WASHC4: variants seen among roughly 807,000 people sequenced by gnomAD.
WASHC4 encodes WASH complex subunit 7.
Under a neutral mutation model 166.6 loss-of-function variants are expected in WASHC4, and 86 were observed. The ratio of observed to expected loss-of-function variants is 0.52; its 90% confidence interval spans 0.43 to 0.62. WASHC4 has a LOEUF of 0.62. Among genes scored for constraint, WASHC4 ranks in the 20% least tolerant of loss-of-function variants. The probability of loss-of-function intolerance (pLI) is 0.00; values close to 1 mark genes in which losing one functional copy is unlikely to be tolerated. For missense variants in WASHC4, 1,262 were observed against 1,382.4 expected (o/e 0.91, Z 1.38); for synonymous variants, 446 against 451.6 (o/e 0.99, Z 0.16).
At chr12:105,153,142 A>G (rs559729570) in intron 26 of WASHC4, among the ~76,000 whole-genome samples, 1 of 152,340 alleles carries the variant, frequency 6.6e-6, no homozygotes, top group African/African-American at 2.4e-5. Flanking sequence ...TATAAGTCCA[A>G]ATGGGTTTTA....
Position 105,107,733 on chromosome 12 carries a change from T to A in WASHC4, c.-68T>A. On this transcript the variant is annotated 5_prime_UTR_variant, in exon 1 of 33. Transcript: ENST00000332180. ...GGCCGGAAGTCACGTGCTGTGACAG[T>A]AGCTGGGGTGAGGCCGTCGTCGCCG... The A allele has an allele frequency of 5.9e-6, 7 of 1,186,524 alleles. No individual in the cohort carries two copies. Among genetic ancestry groups the A allele is most frequent in the Non-Finnish European group, 8.5e-6 (7 of 823,038 alleles). The allele number at this position is 1,186,524 out of a possible 1,614,324, so 73.5% of individuals were successfully genotyped here. A position where few individuals can be genotyped will look rare whatever the true frequency, so the allele number is the denominator to read the frequency against.
At chr12:105,148,603 T>C in intron 24 of WASHC4, 1 of 985,090 alleles carries the variant, frequency 1.0e-6, no homozygotes, top group South Asian at 4.7e-5. Context: ...GTTAAAGAGA[T>C]TTTTTTAAAA....
intron 10 of WASHC4, among the ~76,000 whole-genome samples, chr12:105,125,301 G>A: frequency 6.6e-6 from 1 of 152,092 alleles, no homozygotes; most frequent in East Asian, 1.9e-4. Context: ...AAAACTTGCA[G>A]ACAAATGGCA....
At chr12:105,164,611 T>G (rs1241318416) in intron 31 of WASHC4, 30 bp from the exon 32 acceptor site, 6 of 1,517,426 alleles carry the variant, frequency 4.0e-6, no homozygotes, top group Non-Finnish European at 5.5e-6. Context: ...GTATTTTTGG[T>G]TTTTATTTCA....
intron 28 of WASHC4, among the ~76,000 whole-genome samples, chr12:105,158,256 TAGAGAAC>T (rs1159720386): frequency 6.6e-6 from 1 of 152,168 alleles, no homozygotes; most frequent in Non-Finnish European, 1.5e-5. Flanking sequence ...GAAAAGTTTT[TAGAGAAC>T]AGAGGATTCA....
intron 6 of WASHC4, 116 bp downstream of exon 6, chr12:105,115,844 A>C: frequency 1.4e-6 from 1 of 734,536 alleles, no homozygotes; most frequent in African/African-American, 1.7e-5. Context: ...TGAGGATAAG[A>C]CACTTAATTA....
chr12:105,156,627 G>T lies in WASHC4; in HGVS notation c.2759-99G>T, dbSNP rs1175778593. On this transcript the variant is annotated intron_variant, in intron 26 of 32. Coordinates refer to ENST00000332180, the MANE Select transcript of WASHC4 (RefSeq NM_015275.3). ...TATAGCAAAATATTTTGGTTCTTAGGAGTGGAAACCTTGTAATTTACTACT... is the reference window on the plus strand; with the variant it reads ...TATAGCAAAATATTTTGGTTCTTAGTAGTGGAAACCTTGTAATTTACTACT... 10 of 967,604 alleles carry T rather than the reference G, an allele frequency of 1.0e-5. No individual in the cohort carries two copies. The Admixed American group carries it at 1.1e-4, about 11-fold the overall frequency. 59.9% of individuals were successfully genotyped at this position (967,604 alleles called of 1,614,324 possible).
rs372604617 is a variant in WASHC4, at chr12:105,164,103, G to A, written c.3158-8G>A. The A allele has an allele frequency of 4.3e-6, 7 of 1,613,808 alleles. No individual in the cohort carries two copies. Among genetic ancestry groups the A allele is most frequent in the South Asian group, 3.3e-5 (3 of 91,078 alleles). On this transcript the variant is annotated splice_region_variant and splice_polypyrimidine_tract_variant and intron_variant, in intron 30 of 32. Coordinates refer to ENST00000332180, the MANE Select transcript of WASHC4 (RefSeq NM_015275.3). ...GTAATTTAACCTTAGTTTTGCTTAT[G>A]CCTGCAGGTGTGGCTTACATTCTAA...
chr12:105,151,662 A>G lies in WASHC4; in HGVS notation c.2650-681A>G, dbSNP rs543234344. ...ACACCCAGCTAATTTTAGTATTTTT[A>G]GTAGAGATGGGGTTTCACCATATTG... On this transcript the variant is annotated intron_variant, in intron 25 of 32. Coordinates refer to ENST00000332180, the MANE Select transcript of WASHC4 (RefSeq NM_015275.3). Among the ~76,000 whole-genome samples the G allele has an allele frequency of 2.0e-5, 3 of 152,126 alleles. No individual in the cohort carries two copies. In the East Asian group the frequency reaches 5.8e-4, roughly 29 times the overall value.
At chr12:105,139,794 G>T (rs1225620472) in intron 15 of WASHC4, among the ~76,000 whole-genome samples, 1 of 151,454 alleles carries the variant, frequency 6.6e-6, no homozygotes, top group Non-Finnish European at 1.5e-5. Context: ...GTGATACATC[G>T]GCTTGCCTTT....
At chr12:105,114,874 C>T (rs1880033135) in intron 4 of WASHC4, among the ~76,000 whole-genome samples, 1 of 151,890 alleles carries the variant, frequency 6.6e-6, no homozygotes, top group African/African-American at 2.4e-5. Flanking sequence ...TTCGTATTTT[C>T]TTCTCCTGCT....
chr12:105,162,639 C>T, intron 29 of WASHC4, 110 bp from the exon 30 acceptor site: 1 of 664,058 alleles, frequency 1.5e-6, no homozygotes, highest in East Asian at 2.9e-5. Context: ...AGATTCTATT[C>T]TATTCTATTT....
At chr12:105,155,739 G>A (rs1884110233) in intron 26 of WASHC4, among the ~76,000 whole-genome samples, 1 of 152,168 alleles carries the variant, frequency 6.6e-6, no homozygotes, top group African/African-American at 2.4e-5. Context: ...CTACTTGGGA[G>A]GCTGAGGCAG....
rs1264472361 is a variant in WASHC4 at position 105,137,874 on chromosome 12, T to G, written c.1327-12T>G. The G allele has an allele frequency of 6.3e-7, 1 of 1,596,540 alleles. No homozygotes were observed. The highest frequency in any genetic ancestry group is 8.6e-7 in the Non-Finnish European group (1 of 1,165,106). On this transcript the variant is annotated splice_polypyrimidine_tract_variant and intron_variant, in intron 14 of 32. Transcript: ENST00000332180. ...CTTTCCTTGTGATTATAATCAATGTTTTCCTTTACAGGGCTTCTTGTATGC... is the reference window on the plus strand; with the variant it reads ...CTTTCCTTGTGATTATAATCAATGTGTTCCTTTACAGGGCTTCTTGTATGC...
At position 105,156,712 on chromosome 12, in the gene WASHC4, G is replaced by A. The variant is rs377354396; in HGVS notation, c.2759-14G>A. On this transcript the variant is annotated splice_polypyrimidine_tract_variant and intron_variant, in intron 26 of 32. Transcript: ENST00000332180. ...ATTTATATAAATATCTGATTTTTTT[G>A]TGTGGTTTTTAAGGTAATGCTATGG... 12 of 1,592,314 alleles carry A rather than the reference G, an allele frequency of 7.5e-6. No individual in the cohort carries two copies. Among genetic ancestry groups the A allele is most frequent in the Non-Finnish European group, 1.0e-5 (12 of 1,161,552 alleles).
At chr12:105,139,229 C>T (rs1161016739) in intron 15 of WASHC4, among the ~76,000 whole-genome samples, 2 of 151,520 alleles carry the variant, frequency 1.3e-5, no homozygotes, top group African/African-American at 4.8e-5. Context: ...AGTGGATAGA[C>T]TTCGGGTTGT....
At chr12:105,133,233 A>G (rs1196816) in intron 13 of WASHC4, among the ~76,000 whole-genome samples, 76,561 of 151,882 alleles carry the variant, frequency 0.5, 19,425 homozygotes, top group Middle Eastern at 0.69. Context: ...TTACCTGAAC[A>G]AGCCAGACAC....
intron 26 of WASHC4, among the ~76,000 whole-genome samples, chr12:105,154,250 C>T (rs1279223303): frequency 6.6e-6 from 1 of 152,062 alleles, no homozygotes; most frequent in African/African-American, 2.4e-5. Context: ...AGGGTGGTCT[C>T]GATCTCCTGA....
intron 14 of WASHC4, among the ~76,000 whole-genome samples, chr12:105,137,070 C>T (rs1882392226): frequency 6.6e-6 from 1 of 152,170 alleles, no homozygotes; most frequent in Admixed American, 6.5e-5. Flanking sequence ...GTACATGTGT[C>T]TCTTTTGGGA....
Sources: gnomAD v4.1 joint callset for allele counts (sites outside exome capture counted in the v4.1 genomes callset) on GRCh38, gnomAD v4.1.1 for gene constraint, MANE v1.5 for transcripts, NCBI Gene and HGNC (gene_info 2026-07-23, HGNC 2026-07-21) for gene names.